Variants in MYO5A observed in about 807,000 individuals in gnomAD.
The protein encoded by MYO5A is myosin VA.
Under a neutral mutation model 249.7 loss-of-function variants are expected in MYO5A, and 98 were observed. The ratio of observed to expected loss-of-function variants is 0.39; its 90% CI spans 0.33 to 0.46. MYO5A has a LOEUF of 0.46. Ranked by LOEUF, MYO5A falls within the 20% of genes least tolerant of loss-of-function variation. MYO5A has a pLI of 0.98. For missense variants in MYO5A, 1,696 were observed against 2,308.8 expected, an observed-to-expected ratio of 0.73 and a Z score of 5.44; for synonymous variants, 778 against 810.6, an observed-to-expected ratio of 0.96 and a Z score of 0.68.
At chr15:52,361,503 T>G (rs1488897303) in intron 24 of MYO5A, among the ~76,000 whole-genome samples, 1 of 152,198 alleles carries the variant, frequency 6.6e-6, no homozygotes, top group Non-Finnish European at 1.5e-5. Context: ...AGTGATTAAG[T>G]GCTCTGGATC....
chr15:52,446,801 A>G (rs1426843721), intron 1 of MYO5A, among the ~76,000 whole-genome samples: 1 of 152,126 alleles, frequency 6.6e-6, no homozygotes, highest in African/African-American at 2.4e-5. Flanking sequence ...ATTATCTTGG[A>G]TCTTTAAGAT....
rs1265349238 is a variant in MYO5A, at chr15:52,309,803, T to C, written c.*3893A>G. The C allele has an allele frequency of 1.3e-5, 2 of 152,218 alleles. No individual in the cohort carries two copies. The highest frequency in any genetic ancestry group is 2.4e-5 in the African/African-American group (1 of 41,424). 9.4% of individuals were successfully genotyped at this position (152,218 alleles called of 1,614,324 possible). On this transcript the variant is annotated 3_prime_UTR_variant, in exon 42 of 42. Transcript: ENST00000399233. ...TGACATTACCCAGAGGATCCTTGAC[T>C]ATGCCTGCTAAGGAACTCTATGAAT...
intron 1 of MYO5A, among the ~76,000 whole-genome samples, chr15:52,487,619 G>T (rs1029559857): frequency 3.3e-5 from 5 of 151,486 alleles, no homozygotes; most frequent in Non-Finnish European, 5.9e-5. Flanking sequence ...AGCTACTCAG[G>T]AGGCTGAGGC....
intron 27 of MYO5A, among the ~76,000 whole-genome samples, chr15:52,351,922 T>C (rs1199434589): frequency 6.6e-6 from 1 of 152,220 alleles, no homozygotes; most frequent in Non-Finnish European, 1.5e-5. Flanking sequence ...AGTCTCCTCT[T>C]ACTTCCTTTA....
chr15:52,407,428 G>A (rs1200501112), intron 7 of MYO5A, 29 bp from the exon 8 acceptor site: 2 of 1,565,262 alleles, frequency 1.3e-6, no homozygotes, highest in East Asian at 2.2e-5. Context: ...AAAATTTTCT[G>A]GTTTATGAAA....
At chr15:52,321,326 A>G in intron 38 of MYO5A, 33 bp downstream of exon 38, 1 of 1,613,886 alleles carries the variant, frequency 6.2e-7, no homozygotes, top group Non-Finnish European at 8.5e-7. Context: ...AATGATAGGC[A>G]GGCTGCAATG....
intron 34 of MYO5A, among the ~76,000 whole-genome samples, chr15:52,335,884 G>A (rs1030977582): frequency 7.2e-5 from 11 of 152,052 alleles, no homozygotes; most frequent in Non-Finnish European, 1.6e-4. Context: ...TAACTAAGTC[G>A]CATGAAGCAT....
At chr15:52,477,461 T>G (rs954133549) in intron 1 of MYO5A, among the ~76,000 whole-genome samples, 2 of 152,202 alleles carry the variant, frequency 1.3e-5, no homozygotes, top group Non-Finnish European at 2.9e-5. Context: ...CGTTCCTTTG[T>G]GTTCCTTTGG....
intron 35 of MYO5A, among the ~76,000 whole-genome samples, chr15:52,329,364 C>A (rs189979767): frequency 6.6e-6 from 1 of 152,296 alleles, no homozygotes; most frequent in South Asian, 2.1e-4. Flanking sequence ...TGGCACCTGG[C>A]GGGAGGAATG....
At chr15:52,528,981 G>T, upstream of MYO5A, 1 of 300,232 alleles carries the variant, frequency 3.3e-6, no homozygotes, top group Non-Finnish European at 5.2e-6. Context: ...GGCGCTGGCC[G>T]CCCGCAGGGG....
At chr15:52,353,306 C>G (rs1245828784) in intron 27 of MYO5A, among the ~76,000 whole-genome samples, 1 of 152,224 alleles carries the variant, frequency 6.6e-6, no homozygotes. Flanking sequence ...TATGTCTGGT[C>G]TGCCCCATCA....
chr15:52,463,240 C>T (rs531358963), intron 1 of MYO5A, among the ~76,000 whole-genome samples: 9 of 152,150 alleles, frequency 5.9e-5, no homozygotes, highest in African/African-American at 9.7e-5. Context: ...GATGTCAAGC[C>T]GGCATCCTGG....
At chr15:52,337,511 A>C (rs2039172519) in intron 33 of MYO5A, among the ~76,000 whole-genome samples, 2 of 152,258 alleles carry the variant, frequency 1.3e-5, no homozygotes, top group South Asian at 4.1e-4. Flanking sequence ...TAAAGGGAAC[A>C]GTTGCTATCT....
intron 1 of MYO5A, among the ~76,000 whole-genome samples, chr15:52,468,442 G>A (rs915612356): frequency 3.3e-5 from 5 of 152,234 alleles, no homozygotes; most frequent in Non-Finnish European, 4.4e-5. Flanking sequence ...AGTACTGCTT[G>A]AGCCCAGGAG....
At chr15:52,366,456 A>AC (rs1169849029) in intron 23 of MYO5A, among the ~76,000 whole-genome samples, 2 of 151,798 alleles carry the variant, frequency 1.3e-5, no homozygotes, top group African/African-American at 2.4e-5. Context: ...GTATCTTCTT[A>AC]CCCCATATTT....
At chr15:52,314,058 A>G in intron 41 of MYO5A, 65 bp downstream of exon 41, 4 of 1,418,954 alleles carry the variant, frequency 2.8e-6, no homozygotes, top group Non-Finnish European at 4.0e-6. Flanking sequence ...ATCCTTCAAT[A>G]AATTACAAAA....
rs770274704 is a variant in MYO5A, at chr15:52,340,259, G to A, written c.4176C>T (p.Pro1392=). Residue 1392 remains proline (P), a synonymous_variant, in exon 32 of 42, where the codon CCC becomes CCT. Transcript: ENST00000399233. ...QQLLAQNLQL[P]PEARIEASLQ... ...GGCTGGCCTCAATGCGGGCCTCTGG[G>A]GGCAGCTGCAGGTTCTGGGCCAGCA... is the stretch of plus-strand genomic sequence containing the variant. 3.1e-6 allele frequency: 5 copies of A among 1,614,038 alleles called. No individual in the cohort carries two copies. Among genetic ancestry groups the A allele is most frequent in the Non-Finnish European group, 4.2e-6 (5 of 1,180,026 alleles).
At chr15:52,452,775 G>A (rs547142558) in intron 1 of MYO5A, among the ~76,000 whole-genome samples, 8 of 151,476 alleles carry the variant, frequency 5.3e-5, no homozygotes, top group Non-Finnish European at 1.2e-4. Context: ...TTGTACCCGG[G>A]AGGCATAAGT....
At chr15:52,357,756 G>C (rs1223293619) in intron 25 of MYO5A, among the ~76,000 whole-genome samples, 2 of 152,182 alleles carry the variant, frequency 1.3e-5, no homozygotes, top group Non-Finnish European at 2.9e-5. Flanking sequence ...CAAGAAGGAA[G>C]ATTGGGCCAT....
Sources: allele counts gnomAD v4.1 joint callset (sites outside exome capture counted in the v4.1 genomes callset), GRCh38; gene constraint gnomAD v4.1.1; transcripts MANE v1.5; gene names NCBI Gene and HGNC (gene_info 2026-07-23, HGNC 2026-07-21).